ZNF397: variants seen among roughly 807,000 people sequenced by gnomAD.
ZNF397 encodes zinc finger and SCAN domain-containing protein 15.
A neutral mutation model predicts 50.6 loss-of-function variants in ZNF397; 38 were observed. The observed-to-expected ratio is 0.75, with a 90% CI of 0.58 to 0.98. The LOEUF (loss-of-function observed/expected upper bound fraction) is 0.98, where lower values mean the gene tolerates loss of function less well. Among genes scored for constraint, ZNF397 ranks in the 50% least tolerant of loss-of-function variants. ZNF397 has a pLI of 0.00. For missense variants in ZNF397, 624 were observed against 624.1 expected (o/e 1.00, Z 0.00); for synonymous variants, 228 against 215.2 (o/e 1.06, Z -0.52).
intron 5 of ZNF397, chr18:35,257,808 A>G (rs1366175518): frequency 1.3e-5 from 10 of 767,332 alleles, no homozygotes; most frequent in Admixed American, 1.0e-4. Flanking sequence ...CTGCAGTGCA[A>G]TTATGCTTCA....
Position 35,246,942 on chromosome 18 carries a change from C to T in ZNF397, c.*632C>T. 1.1e-6 allele frequency: 1 copy of T among 886,372 alleles called. No individual in the cohort carries two copies. Among genetic ancestry groups the T allele is most frequent in the Non-Finnish European group, 1.4e-6 (1 of 739,740 alleles). 54.9% of individuals were successfully genotyped at this position (886,372 alleles called of 1,614,324 possible). A position where few individuals can be genotyped will look rare whatever the true frequency, so the allele number is the denominator to read the frequency against. On this transcript the variant is annotated 3_prime_UTR_variant, in exon 4 of 4. Coordinates refer to ENST00000330501, the MANE Select transcript of ZNF397 (RefSeq NM_001135178.3). ...CTCTACAGTCTAATGGGCAAGGCAG[C>T]CAGACAGGCAGTGAAAGTGGAATGC... is the stretch of plus-strand genomic sequence containing the variant.
rs1290871977 is a variant in ZNF397, at chr18:35,248,881, C to G, written c.*2571C>G. The G allele has an allele frequency of 2.0e-5, 3 of 152,004 alleles. No homozygotes were observed. Among genetic ancestry groups the G allele is most frequent in the Admixed American group, 6.6e-5 (1 of 15,252 alleles). The allele number at this position is 152,004 out of a possible 1,614,324, so 9.4% of individuals were successfully genotyped here. A position where few individuals can be genotyped will look rare whatever the true frequency, so the allele number is the denominator to read the frequency against. ...AAAAAGTAAATGTAATAGATACTTG[C>G]TAAGGGCTTTGTATATACTTATTAT... On this transcript the variant is annotated 3_prime_UTR_variant, in exon 4 of 4. Coordinates refer to ENST00000330501, the MANE Select transcript of ZNF397 (RefSeq NM_001135178.3).
intron 5 of ZNF397, chr18:35,254,819 G>A (rs1298102148): frequency 5.0e-6 from 1 of 201,928 alleles, no homozygotes; most frequent in Admixed American, 5.3e-5. Context: ...TAGGAGAGCA[G>A]AAGATATGAT....
chr18:35,254,015 C>A (rs2043695805), downstream of ZNF397: 1 of 1,614,042 alleles, frequency 6.2e-7, no homozygotes, highest in Non-Finnish European at 8.5e-7. Flanking sequence ...AAAGGCCTTC[C>A]CACAGTCAAA....
chr18:35,255,928 C>T (rs1198413226), intron 5 of ZNF397: 1 of 152,846 alleles, frequency 6.5e-6, no homozygotes, highest in African/African-American at 2.4e-5. Flanking sequence ...AAGTCAGAGA[C>T]CCAACAACCT....
At chr18:35,243,487 GTTA>G (rs1158405808) in intron 3 of ZNF397, 194 bp downstream of exon 3, 2 of 698,686 alleles carry the variant, frequency 2.9e-6, no homozygotes, top group African/African-American at 3.6e-5. Context: ...GAGTTTCCCT[GTTA>G]TTCATTCATT....
In ZNF397 at chr18:35,246,728, C is replaced by T. The variant is rs1279246607; in HGVS notation, c.*418C>T. The T allele has an allele frequency of 1.0e-6, 1 of 985,470 alleles. No homozygotes were observed. Among genetic ancestry groups the T allele is most frequent in the African/African-American group, 1.8e-5 (1 of 56,816 alleles). 61.0% of individuals were successfully genotyped at this position (985,470 alleles called of 1,614,324 possible). On this transcript the variant is annotated 3_prime_UTR_variant, in exon 4 of 4. Coordinates refer to ENST00000330501, the MANE Select transcript of ZNF397 (RefSeq NM_001135178.3). Reference sequence around the variant, plus strand: ...GAACTAAAAAAAAAAAAAAAACTGACCCAATAAAGAACAGTGACAGAGCAG... The same window carrying T: ...GAACTAAAAAAAAAAAAAAAACTGATCCAATAAAGAACAGTGACAGAGCAG...
At position 35,245,362 on chromosome 18, in the gene ZNF397, A is replaced by C. The variant is rs1331708698; in HGVS notation, c.657A>C (p.Glu219Asp). 2 of 1,611,286 alleles carry C rather than the reference A, an allele frequency of 1.2e-6. No homozygotes were observed. The highest frequency in any genetic ancestry group is 1.7e-6 in the Non-Finnish European group (2 of 1,178,438). ...EPSFRGISEH[E>D]SNLVWKQGSA... ...CATTTCGAGGAATTAGTGAGCATGA[A>C]AGCAATTTAGTGTGGAAGCAAGGAA... The change falls in exon 4 of 4, where the codon GAA (glutamate) becomes GAC (aspartate). Residue 219 changes from glutamate to aspartate, a missense_variant. Transcript: ENST00000330501.
chr18:35,254,103 T>G (rs550216234), downstream of ZNF397: 2 of 1,613,942 alleles, frequency 1.2e-6, no homozygotes, highest in Non-Finnish European at 1.7e-6. Flanking sequence ...CTTCCTTCAC[T>G]CTCATGAGAT....
In ZNF397 at chr18:35,242,892, C is replaced by T. The variant is rs367841907; in HGVS notation, c.414+8C>T. 110 of 1,588,964 alleles carry T rather than the reference C, an allele frequency of 6.9e-5. No individual in the cohort carries two copies. The African/African-American group carries it at 7.9e-4, about 11-fold the overall frequency. On this transcript the variant is annotated splice_region_variant and intron_variant, in intron 2 of 3. Transcript: ENST00000330501. ...GATGACCCAGGGCAGCAGGTGGGAA[C>T]GGAGAAAAGTGATGTGGGAAAAGGA...
chr18:35,242,086 G>C lies in ZNF397; in HGVS notation c.-80-305G>C, dbSNP rs543140476. 8.5e-5 allele frequency among the ~76,000 whole-genome samples: 13 copies of C among 152,228 alleles called. No individual in the cohort carries two copies. The South Asian group carries it at 2.7e-3, about 32-fold the overall frequency. On this transcript the variant is annotated intron_variant, in intron 1 of 3. Transcript: ENST00000330501. ...ATGTTAAAGATAGACTTTTCTCCTT[G>C]ATACAATCAGAATTGAAAGAATTGG...
intron 1 of ZNF397, chr18:35,241,643 C>G (rs945318195): frequency 2.0e-5 from 3 of 152,216 alleles, no homozygotes; most frequent in Admixed American, 2.0e-4. Flanking sequence ...ATACGGATCT[C>G]TTTGCTGCTT....
intron 1 of ZNF397, chr18:35,241,694 A>G (rs1175644073): frequency 2.0e-5 from 3 of 152,254 alleles, no homozygotes; most frequent in Non-Finnish European, 2.9e-5. Context: ...ACACATGGTA[A>G]GCATTTTACA....
downstream of ZNF397, chr18:35,254,732 G>A (rs1432132811): frequency 2.5e-5 from 8 of 324,038 alleles, no homozygotes; most frequent in Non-Finnish European, 3.5e-5. Flanking sequence ...GAGATAATCA[G>A]GAAAAAAAAG....
At chr18:35,254,675 A>G, downstream of ZNF397, 1 of 473,172 alleles carries the variant, frequency 2.1e-6, no homozygotes, top group South Asian at 2.4e-5. Flanking sequence ...ATAAACCAGG[A>G]AGCTAGGAGA....
At position 35,246,503 on chromosome 18, in the gene ZNF397, A is replaced by G; in HGVS notation, c.*193A>G. 1 of 1,341,250 alleles carries G rather than the reference A, an allele frequency of 7.5e-7. No individual in the cohort carries two copies. Among genetic ancestry groups the G allele is most frequent in the Admixed American group, 3.6e-5 (1 of 27,938 alleles). 83.1% of individuals were successfully genotyped at this position (1,341,250 alleles called of 1,614,324 possible). ...AGCTTTTCCTGTGACTAATCAGAAC[A>G]GAATACAGAAGAATCATTACTTCCA... On this transcript the variant is annotated 3_prime_UTR_variant, in exon 4 of 4. Coordinates refer to ENST00000330501, the MANE Select transcript of ZNF397 (RefSeq NM_001135178.3).
chr18:35,243,394 C>G lies in ZNF397; in HGVS notation c.556+101C>G, dbSNP rs768982467. On this transcript the variant is annotated intron_variant, in intron 3 of 3. Coordinates refer to ENST00000330501, the MANE Select transcript of ZNF397 (RefSeq NM_001135178.3). ...TGACAAACTTGCCACATGTGAGCAT[C>G]ACCTTTATTATTCTAAACCAGAGGT... 5.1e-6 allele frequency: 8 copies of G among 1,555,390 alleles called. No homozygotes were observed. In the Admixed American group the frequency reaches 8.4e-5, roughly 16 times the overall value.
In ZNF397 at chr18:35,245,823, AGT is replaced by A. The variant is rs751606021; in HGVS notation, c.1122_1123del (p.Cys374TrpfsTer20). ...GGTGAGAAAGCTTGTAAATGTAATG[AGT>A]GTGGCAAAGCATTCAGTCAAAGTTC... On this transcript the variant is annotated frameshift_variant, in exon 4 of 4. Coordinates refer to ENST00000330501, the MANE Select transcript of ZNF397 (RefSeq NM_001135178.3). LOFTEE classifies it high-confidence loss of function. 30 of 1,552,380 alleles carry A rather than the reference AGT, an allele frequency of 1.9e-5. No homozygotes were observed. Among genetic ancestry groups the A allele is most frequent in the Non-Finnish European group, 2.6e-5 (30 of 1,147,298 alleles).
At chr18:35,243,483 C>A in intron 3 of ZNF397, 190 bp downstream of exon 3, 1 of 710,338 alleles carries the variant, frequency 1.4e-6, no homozygotes, top group Admixed American at 2.5e-5. Context: ...GTGTGAGTTT[C>A]CCTGTTATTC....
Sources: gnomAD v4.1 joint callset for allele counts (sites outside exome capture counted in the v4.1 genomes callset) on GRCh38, gnomAD v4.1.1 for gene constraint, MANE v1.5 for transcripts, NCBI Gene and HGNC (gene_info 2026-07-23, HGNC 2026-07-21) for gene names.